The following SLCO2A1 variants were observed in gnomAD, a reference collection of about 807,000 sequenced individuals.
The protein encoded by SLCO2A1 is solute carrier organic anion transporter family member 2A1.
SLCO2A1 carries 60 observed loss-of-function variants against 71.7 expected under a neutral mutation model. That is an observed-to-expected ratio of 0.84 (90% confidence interval 0.68 to 1.04). SLCO2A1 has a LOEUF of 1.04. Ranked by LOEUF, SLCO2A1 falls within the 50% of genes least tolerant of loss-of-function variation. SLCO2A1 has a pLI of 0.00. For synonymous variants in SLCO2A1, 308 were observed against 326.7 expected (o/e 0.94, Z 0.62); for missense variants, 745 against 813.4 (o/e 0.92, Z 1.02).
intron 3 of SLCO2A1, among the ~76,000 whole-genome samples, chr3:133,965,602 T>A (rs1459870990): frequency 6.6e-6 from 1 of 152,230 alleles, no homozygotes; most frequent in African/African-American, 2.4e-5. Context: ...AGCTTGACCG[T>A]AGCTTCAAGG....
intron 2 of SLCO2A1, among the ~76,000 whole-genome samples, chr3:133,979,272 G>C (rs755424835): frequency 3.9e-5 from 6 of 152,252 alleles, no homozygotes; most frequent in Non-Finnish European, 5.9e-5. Context: ...GAGGCTTTCA[G>C]CTCAGTACCT....
chr3:133,968,644 ATG>A (rs1934249453), intron 3 of SLCO2A1, among the ~76,000 whole-genome samples: 2 of 152,360 alleles, frequency 1.3e-5, no homozygotes, highest in African/African-American at 4.8e-5. Flanking sequence ...CATTGTCTGC[ATG>A]TGGGCAGACT....
At chr3:134,018,286 T>C (rs1025798333) in intron 1 of SLCO2A1, among the ~76,000 whole-genome samples, 1 of 152,132 alleles carries the variant, frequency 6.6e-6, no homozygotes, top group Non-Finnish European at 1.5e-5. Flanking sequence ...AATTCTTGGG[T>C]TCAGGGGATT....
Position 133,934,696 on chromosome 3 carries a change from A to AGT in SLCO2A1, c.*15_*16dup. 6.4e-7 allele frequency: 1 copy of AGT among 1,568,376 alleles called. No homozygotes were observed. The highest frequency in any genetic ancestry group is 2.2e-5 in the East Asian group (1 of 44,668). On this transcript the variant is annotated 3_prime_UTR_variant, in exon 14 of 14. Coordinates refer to ENST00000310926, the MANE Select transcript of SLCO2A1 (RefSeq NM_005630.3). ...CAAGGTCCACTCTCTGGAGCAGGGCAGTGGCCCAGGGTGGGGTCAGATGAG... is the reference window on the plus strand; with the variant it reads ...CAAGGTCCACTCTCTGGAGCAGGGCAGTGTGGCCCAGGGTGGGGTCAGATGAG...
At chr3:133,971,449 A>C (rs1384447406) in intron 3 of SLCO2A1, among the ~76,000 whole-genome samples, 2 of 152,228 alleles carry the variant, frequency 1.3e-5, no homozygotes, top group Non-Finnish European at 2.9e-5. Context: ...GGAGATTTAT[A>C]AAAAGGTGGG....
intron 3 of SLCO2A1, among the ~76,000 whole-genome samples, chr3:133,964,144 G>A (rs756572493): frequency 3.1e-4 from 47 of 152,130 alleles, no homozygotes; most frequent in Non-Finnish European, 5.3e-4. Context: ...TGCCCCAGAG[G>A]AAAAAATGAG....
chr3:133,987,318 G>C (rs1576448229), intron 1 of SLCO2A1, among the ~76,000 whole-genome samples: 1 of 151,948 alleles, frequency 6.6e-6, no homozygotes, highest in South Asian at 2.1e-4. Flanking sequence ...AGTCTGATAA[G>C]AAACATGTAG....
At chr3:133,994,278 C>T (rs942792890) in intron 1 of SLCO2A1, among the ~76,000 whole-genome samples, 9 of 152,216 alleles carry the variant, frequency 5.9e-5, no homozygotes, top group Non-Finnish European at 1.3e-4. Flanking sequence ...ACAGTTGAGG[C>T]ACTGAGGCTC....
At chr3:134,001,726 C>G (rs975052601) in intron 1 of SLCO2A1, among the ~76,000 whole-genome samples, 1 of 152,126 alleles carries the variant, frequency 6.6e-6, no homozygotes, top group African/African-American at 2.4e-5. Flanking sequence ...AATCCCTTCT[C>G]AGAAAAGCTC....
At chr3:133,962,722 T>C (rs753683770) in intron 3 of SLCO2A1, among the ~76,000 whole-genome samples, 1 of 152,244 alleles carries the variant, frequency 6.6e-6, no homozygotes, top group African/African-American at 2.4e-5. Flanking sequence ...TAGTAAAGGC[T>C]GGAACACAGC....
At chr3:133,980,206 C>A (rs965388485) in intron 1 of SLCO2A1, among the ~76,000 whole-genome samples, 3 of 152,222 alleles carry the variant, frequency 2.0e-5, no homozygotes, top group Admixed American at 2.0e-4. Flanking sequence ...ATGAATGTTC[C>A]CATCCATGTC....
At chr3:133,973,527 A>G (rs1934377366) in intron 3 of SLCO2A1, 136 bp downstream of exon 3, 5 of 919,760 alleles carry the variant, frequency 5.4e-6, no homozygotes, top group Non-Finnish European at 6.5e-6. Flanking sequence ...CCATAGCTCT[A>G]CATACTTCAG....
At chr3:133,977,140 C>T (rs1934479192) in intron 2 of SLCO2A1, among the ~76,000 whole-genome samples, 1 of 152,158 alleles carries the variant, frequency 6.6e-6, no homozygotes, top group Non-Finnish European at 1.5e-5. Flanking sequence ...TACAGAGTTG[C>T]ACACAAATAC....
At chr3:133,987,563 T>A (rs979326771) in intron 1 of SLCO2A1, among the ~76,000 whole-genome samples, 2 of 152,170 alleles carry the variant, frequency 1.3e-5, no homozygotes, top group African/African-American at 4.8e-5. Context: ...ATGTATTTCT[T>A]AAATGTATTT....
Position 134,026,810 on chromosome 3 carries a change from CA to C in SLCO2A1, c.96+2896del, listed in dbSNP as rs1476543635. ...ATTTAACCTTTCTAATTGCTGCCTACATATAGATAATCAAGGGCAAGTAGTT... is the reference window on the plus strand; with the variant it reads ...ATTTAACCTTTCTAATTGCTGCCTACTATAGATAATCAAGGGCAAGTAGTT... On this transcript the variant is annotated intron_variant, in intron 1 of 13. Transcript: ENST00000310926. 3.3e-5 allele frequency among the ~76,000 whole-genome samples: 5 copies of C among 152,150 alleles called. No homozygotes were observed. The East Asian group carries it at 9.6e-4, about 29-fold the overall frequency.
At chr3:133,996,566 G>A (rs1460742788) in intron 1 of SLCO2A1, among the ~76,000 whole-genome samples, 3 of 152,136 alleles carry the variant, frequency 2.0e-5, no homozygotes, top group Admixed American at 6.5e-5. Context: ...AGAGGCGGCG[G>A]CTCCCCTGCA....
rs532668752 is a variant in SLCO2A1 at position 134,002,633 on chromosome 3, G to A, written c.97-23015C>T. Among the ~76,000 whole-genome samples, 90 of 152,320 alleles carry A rather than the reference G, an allele frequency of 5.9e-4. 1 individual carries two copies. Among genetic ancestry groups the A allele is most frequent in the African/African-American group, 2.0e-3 (85 of 41,558 alleles). The stretch of plus-strand genomic sequence containing the variant: ...TTAGGGTATATTGTAATTACCTAGA[G>A]GGCTTGTTGGAGCAGTTTTCTGGGC... On this transcript the variant is annotated intron_variant, in intron 1 of 13. Coordinates refer to ENST00000310926, the MANE Select transcript of SLCO2A1 (RefSeq NM_005630.3).
intron 1 of SLCO2A1, among the ~76,000 whole-genome samples, chr3:134,005,443 G>A (rs182207521): frequency 1.3e-5 from 2 of 149,030 alleles, no homozygotes; most frequent in Non-Finnish European, 3.0e-5. Context: ...AGATGCTGTA[G>A]CTTTGAAATA....
chr3:133,949,225 T>C (rs931354404), intron 6 of SLCO2A1: 3 of 507,824 alleles, frequency 5.9e-6, no homozygotes, highest in African/African-American at 5.8e-5. Context: ...TGTGGGCATA[T>C]CATTTCATAT....
Sources: gnomAD v4.1 joint callset for allele counts (sites outside exome capture counted in the v4.1 genomes callset) on GRCh38, gnomAD v4.1.1 for gene constraint, MANE v1.5 for transcripts, NCBI Gene and HGNC (gene_info 2026-07-23, HGNC 2026-07-21) for gene names.